Variants in EFNA5 observed in about 807,000 individuals in gnomAD.
The protein encoded by EFNA5 is ephrin A5, also known as ephrin-A5.
A neutral mutation model predicts 22.9 loss-of-function variants in EFNA5; 5 were observed. The observed-to-expected ratio is 0.22, with a 90% CI of 0.11 to 0.46. EFNA5 has a LOEUF of 0.46. EFNA5 is among the 20% of genes least tolerant of loss of function. The pLI, the probability that EFNA5 is intolerant of heterozygous loss-of-function variation, is 0.99. For missense variants in EFNA5, 237 were observed against 293.3 expected, an observed-to-expected ratio of 0.81 and a Z score of 1.40; for synonymous variants, 113 against 112.2, an observed-to-expected ratio of 1.01 and a Z score of -0.04.
At chr5:107,409,858 C>T (rs998482253) in intron 2 of EFNA5, among the ~76,000 whole-genome samples, 1 of 152,056 alleles carries the variant, frequency 6.6e-6, no homozygotes, top group African/African-American at 2.4e-5. Flanking sequence ...GACTGCAAAT[C>T]GAATGTGAGT....
At chr5:107,536,103 G>C (rs1451307880) in intron 1 of EFNA5, among the ~76,000 whole-genome samples, 1 of 152,168 alleles carries the variant, frequency 6.6e-6, no homozygotes, top group Non-Finnish European at 1.5e-5. Flanking sequence ...TGATATGAGG[G>C]AGGCATTCAC....
rs67814628 is a variant in EFNA5 at position 107,670,030 on chromosome 5, TAAAAAAAA to T, written c.125+451_125+458del. Among the ~76,000 whole-genome samples, 11 of 116,690 alleles carry T rather than the reference TAAAAAAAA, an allele frequency of 9.4e-5. No homozygotes were observed. In the South Asian group the frequency reaches 9.8e-4, roughly 10 times the overall value. 76.6% of individuals were successfully genotyped at this position (116,690 alleles called of 152,430 possible). A position where few individuals can be genotyped will look rare whatever the true frequency, so the allele number is the denominator to read the frequency against. On this transcript the variant is annotated intron_variant, in intron 1 of 4. Transcript: ENST00000333274. ...GGAAAAGAGAAGGGAAAATTAAAATTAAAAAAAAAAAAAAAAAAAAAAAAACTTTGGGG... is the reference window on the plus strand; with the variant it reads ...GGAAAAGAGAAGGGAAAATTAAAATTAAAAAAAAAAAAAAAAACTTTGGGG...
At chr5:107,637,744 C>T (rs1184106235) in intron 1 of EFNA5, among the ~76,000 whole-genome samples, 1 of 148,140 alleles carries the variant, frequency 6.8e-6, no homozygotes, top group Non-Finnish European at 1.5e-5. Context: ...TATGATTATA[C>T]ATAATATATA....
intron 1 of EFNA5, among the ~76,000 whole-genome samples, chr5:107,562,731 A>G (rs1429354360): frequency 6.6e-6 from 1 of 152,234 alleles, no homozygotes; most frequent in Non-Finnish European, 1.5e-5. Context: ...TCCTCCATCA[A>G]GAAATTTTTA....
chr5:107,652,093 C>A (rs1249391320), intron 1 of EFNA5, among the ~76,000 whole-genome samples: 1 of 152,160 alleles, frequency 6.6e-6, no homozygotes, highest in Non-Finnish European at 1.5e-5. Context: ...TAAATAAAGT[C>A]TTTAAAAAGT....
chr5:107,653,979 C>T (rs947020813), intron 1 of EFNA5, among the ~76,000 whole-genome samples: 9 of 152,112 alleles, frequency 5.9e-5, no homozygotes, highest in Non-Finnish European at 8.8e-5. Flanking sequence ...CTTATGTATA[C>T]TATTAATATG....
chr5:107,459,975 T>G (rs936472619), intron 1 of EFNA5, among the ~76,000 whole-genome samples: 1 of 152,170 alleles, frequency 6.6e-6, no homozygotes, highest in Non-Finnish European at 1.5e-5. Flanking sequence ...CTCAAACGCT[T>G]AGCCTTAGGA....
chr5:107,384,275 C>A (rs963409889), intron 4 of EFNA5, among the ~76,000 whole-genome samples: 1 of 152,170 alleles, frequency 6.6e-6, no homozygotes, highest in African/African-American at 2.4e-5. Context: ...TCAAGTTTTG[C>A]CTCCTGGCTA....
chr5:107,630,698 G>C (rs748557161), intron 1 of EFNA5, among the ~76,000 whole-genome samples: 12 of 151,912 alleles, frequency 7.9e-5, no homozygotes, highest in Non-Finnish European at 1.8e-4. Context: ...TTCAATAATA[G>C]ATTAACCTTA....
At chr5:107,424,885 G>A (rs1388399567) in intron 2 of EFNA5, among the ~76,000 whole-genome samples, 1 of 152,152 alleles carries the variant, frequency 6.6e-6, no homozygotes, top group Non-Finnish European at 1.5e-5. Flanking sequence ...GACAGGGAAG[G>A]ATGCCTTTGC....
chr5:107,384,074 T>C (rs925461657), intron 4 of EFNA5, among the ~76,000 whole-genome samples: 15 of 152,168 alleles, frequency 9.9e-5, no homozygotes, highest in African/African-American at 3.4e-4. Context: ...GTTGGAAGAT[T>C]CTACAGCCCC....
intron 1 of EFNA5, among the ~76,000 whole-genome samples, chr5:107,638,696 G>A (rs529729069): frequency 6.6e-6 from 1 of 152,120 alleles, no homozygotes; most frequent in Non-Finnish European, 1.5e-5. Context: ...TTTTATATAA[G>A]GGACTTGACC....
intron 1 of EFNA5, among the ~76,000 whole-genome samples, chr5:107,651,791 C>T (rs1251148010): frequency 1.3e-5 from 2 of 152,024 alleles, no homozygotes; most frequent in Non-Finnish European, 2.9e-5. Context: ...TTTTTATCAT[C>T]TCACCACTTA....
At chr5:107,525,945 A>G (rs1747688651) in intron 1 of EFNA5, among the ~76,000 whole-genome samples, 1 of 152,114 alleles carries the variant, frequency 6.6e-6, no homozygotes, top group Middle Eastern at 3.2e-3. Context: ...CTAAATCTAA[A>G]TTTTCTTTCA....
chr5:107,440,417 G>T (rs152602), intron 1 of EFNA5, among the ~76,000 whole-genome samples: 1 of 152,048 alleles, frequency 6.6e-6, no homozygotes, highest in South Asian at 2.1e-4. Flanking sequence ...TAGTTCAAAG[G>T]GAGTGCACAT....
chr5:107,608,870 A>G (rs1007960054), intron 1 of EFNA5, among the ~76,000 whole-genome samples: 2 of 152,150 alleles, frequency 1.3e-5, no homozygotes, highest in East Asian at 1.9e-4. Context: ...ATGTCCAAAT[A>G]CCCAGCCAAC....
chr5:107,398,162 C>G (rs1340337087), intron 2 of EFNA5, among the ~76,000 whole-genome samples: 1 of 152,108 alleles, frequency 6.6e-6, no homozygotes, highest in Non-Finnish European at 1.5e-5. Context: ...CTTTTCCCTT[C>G]TTTGGCATAC....
intron 1 of EFNA5, among the ~76,000 whole-genome samples, chr5:107,630,460 G>A (rs1172839031): frequency 1.3e-5 from 2 of 152,108 alleles, no homozygotes; most frequent in African/African-American, 4.8e-5. Flanking sequence ...ATATCTAAAT[G>A]TATCTAAACA....
At chr5:107,605,144 G>T (rs1749685551) in intron 1 of EFNA5, among the ~76,000 whole-genome samples, 1 of 151,826 alleles carries the variant, frequency 6.6e-6, no homozygotes, top group African/African-American at 2.4e-5. Context: ...AAAGCTCGGG[G>T]GTGGGGATGG....
Sources: allele counts gnomAD v4.1 joint callset (sites outside exome capture counted in the v4.1 genomes callset), GRCh38; gene constraint gnomAD v4.1.1; transcripts MANE v1.5; gene names NCBI Gene and HGNC (gene_info 2026-07-23, HGNC 2026-07-21).